The following EIF4G3 variants were observed in gnomAD, a reference collection of about 807,000 sequenced individuals.
EIF4G3 encodes the protein eukaryotic translation initiation factor 4 gamma 3, also known as eIF-4-gamma 3.
EIF4G3 carries 34 observed loss-of-function variants against 186.4 expected under a neutral mutation model. The ratio of observed to expected loss-of-function variants is 0.18; its 90% CI spans 0.14 to 0.24. EIF4G3 has a LOEUF of 0.24. Among genes scored for constraint, EIF4G3 ranks in the 10% least tolerant of loss-of-function variants. The pLI is 1.00. For missense variants in EIF4G3, 1,536 were observed against 1,948.5 expected, an observed-to-expected ratio of 0.79 and a Z score of 3.99; for synonymous variants, 673 against 679.5, an observed-to-expected ratio of 0.99 and a Z score of 0.15.
intron 4 of EIF4G3, among the ~76,000 whole-genome samples, chr1:21,004,562 T>C (rs2084510683): frequency 6.6e-6 from 1 of 152,178 alleles, no homozygotes; most frequent in Admixed American, 6.5e-5. Context: ...GAAGATTAAA[T>C]GAGATAAAAT....
intron 3 of EIF4G3, among the ~76,000 whole-genome samples, chr1:21,079,838 T>C (rs932607337): frequency 7.2e-5 from 11 of 151,794 alleles, no homozygotes; most frequent in African/African-American, 2.7e-4. Context: ...AGATCTCATC[T>C]CTACAAAAAT....
In EIF4G3 at chr1:20,825,200, TA is replaced by T; in HGVS notation, c.4270-3del. 1 of 1,501,106 alleles carries T rather than the reference TA, an allele frequency of 6.7e-7. No individual in the cohort carries two copies. Among genetic ancestry groups the T allele is most frequent in the Non-Finnish European group, 9.0e-7 (1 of 1,104,998 alleles). 93.0% of individuals were successfully genotyped at this position (1,501,106 alleles called of 1,614,324 possible). A position where few individuals can be genotyped will look rare whatever the true frequency, so the allele number is the denominator to read the frequency against. The stretch of plus-strand genomic sequence containing the variant: ...TAAGGCTCCCACTTTCTTATGGCTC[TA>T]AAATAGAGATAAATCCAATCCATTT... On this transcript the variant is annotated splice_region_variant and splice_polypyrimidine_tract_variant and intron_variant, in intron 32 of 36. Coordinates refer to ENST00000602326, the MANE Select transcript of EIF4G3 (RefSeq NM_001391906.1).
At chr1:20,949,104 T>G (rs968174499) in intron 13 of EIF4G3, among the ~76,000 whole-genome samples, 3 of 151,958 alleles carry the variant, frequency 2.0e-5, no homozygotes, top group African/African-American at 7.3e-5. Context: ...CATATTGATA[T>G]CCAATCATTT....
intron 15 of EIF4G3, 39 bp downstream of exon 15, chr1:20,904,844 C>A (rs1210385165): frequency 6.7e-7 from 1 of 1,501,532 alleles, no homozygotes; most frequent in Non-Finnish European, 9.2e-7. Context: ...TATGAAATGG[C>A]ACCACTGCTC....
intron 20 of EIF4G3, among the ~76,000 whole-genome samples, chr1:20,873,820 T>C (rs1336958822): frequency 6.6e-6 from 1 of 151,394 alleles, no homozygotes; most frequent in Non-Finnish European, 1.5e-5. Flanking sequence ...TACTGACCTG[T>C]CCTTTAAGTT....
intron 12 of EIF4G3, among the ~76,000 whole-genome samples, chr1:20,958,331 T>C (rs1482261440): frequency 6.6e-6 from 1 of 152,168 alleles, no homozygotes; most frequent in African/African-American, 2.4e-5. Context: ...TGAAAAAGCA[T>C]TCAACAAAAT....
chr1:20,812,879 G>C lies in EIF4G3; in HGVS notation c.4597+279C>G, dbSNP rs539741526. Among the ~76,000 whole-genome samples the C allele has an allele frequency of 2.0e-5, 3 of 152,220 alleles. No individual in the cohort carries two copies. In the South Asian group the frequency reaches 6.2e-4, roughly 32 times the overall value. ...GGAGGCGGCCCTGAATGTTAGAAGT[G>C]AAAAGATAAAGAAAAAGCTACACGC... On this transcript the variant is annotated intron_variant, in intron 35 of 36. Transcript: ENST00000602326.
intron 4 of EIF4G3, among the ~76,000 whole-genome samples, chr1:21,047,760 G>C (rs1571645543): frequency 6.6e-6 from 1 of 152,086 alleles, no homozygotes; most frequent in Non-Finnish European, 1.5e-5. Context: ...GGGAAGCTTT[G>C]CATCTGCCCC....
chr1:20,901,936 G>A (rs1483571201), intron 15 of EIF4G3, among the ~76,000 whole-genome samples: 1 of 152,082 alleles, frequency 6.6e-6, no homozygotes, highest in East Asian at 1.9e-4. Context: ...AAAAGTGCTA[G>A]AAAATCAGAC....
chr1:21,076,445 T>C (rs556647776), intron 3 of EIF4G3, among the ~76,000 whole-genome samples: 10 of 151,702 alleles, frequency 6.6e-5, no homozygotes, highest in Non-Finnish European at 1.3e-4. Context: ...AGCCAAGATA[T>C]GCCCACTGCA....
At chr1:20,822,597 T>A (rs908936300) in intron 33 of EIF4G3, among the ~76,000 whole-genome samples, 8 of 150,306 alleles carry the variant, frequency 5.3e-5, no homozygotes, top group African/African-American at 1.9e-4. Flanking sequence ...TCTTTTTTTT[T>A]TTTTTTTGGT....
chr1:21,042,136 G>A (rs1489540843), intron 4 of EIF4G3, among the ~76,000 whole-genome samples: 4 of 151,960 alleles, frequency 2.6e-5, no homozygotes, highest in Admixed American at 2.0e-4. Flanking sequence ...AGAGGCCCAC[G>A]CCGCCATACC....
At chr1:20,964,939 C>T (rs1332156229) in intron 12 of EIF4G3, among the ~76,000 whole-genome samples, 3 of 152,184 alleles carry the variant, frequency 2.0e-5, no homozygotes, top group Admixed American at 6.5e-5. Context: ...GACAGTCCCA[C>T]GAGTCGTCTT....
At chr1:21,024,449 G>A (rs2091690580) in intron 4 of EIF4G3, among the ~76,000 whole-genome samples, 1 of 151,940 alleles carries the variant, frequency 6.6e-6, no homozygotes, top group East Asian at 1.9e-4. Flanking sequence ...GGAATAGAAA[G>A]GGGGGAAAGG....
At chr1:21,044,234 A>T (rs973632996) in intron 4 of EIF4G3, among the ~76,000 whole-genome samples, 4 of 152,064 alleles carry the variant, frequency 2.6e-5, no homozygotes, top group African/African-American at 7.2e-5. Context: ...ACTTTTTTTT[A>T]AAAGTGTCAA....
intron 7 of EIF4G3, among the ~76,000 whole-genome samples, chr1:20,992,688 T>G (rs1251640690): frequency 6.6e-6 from 1 of 152,190 alleles, no homozygotes; most frequent in Non-Finnish European, 1.5e-5. Flanking sequence ...CTGCACAGTG[T>G]TTTGTCCTAT....
chr1:20,809,976 A>AT (rs35971778), intron 36 of EIF4G3, among the ~76,000 whole-genome samples: 7,585 of 144,760 alleles, frequency 0.052, 315 homozygotes, highest in African/African-American at 0.11. Flanking sequence ...TAACAAATTC[A>AT]TTTTTTTTTT....
At chr1:21,113,249 T>C (rs935273325) in intron 2 of EIF4G3, among the ~76,000 whole-genome samples, 1 of 151,914 alleles carries the variant, frequency 6.6e-6, no homozygotes, top group Non-Finnish European at 1.5e-5. Flanking sequence ...TCATGTCTGG[T>C]TTAATGGTAG....
intron 11 of EIF4G3, among the ~76,000 whole-genome samples, chr1:20,972,380 T>A (rs1324159713): frequency 6.6e-6 from 1 of 152,120 alleles, no homozygotes; most frequent in Non-Finnish European, 1.5e-5. Flanking sequence ...ACACCTATAA[T>A]CCCAGCACTT....
Sources: gnomAD v4.1 joint callset for allele counts (sites outside exome capture counted in the v4.1 genomes callset) on GRCh38, gnomAD v4.1.1 for gene constraint, MANE v1.5 for transcripts, NCBI Gene and HGNC (gene_info 2026-07-23, HGNC 2026-07-21) for gene names.